The following LRRC4C variants were observed in gnomAD, a reference collection of about 807,000 sequenced individuals.
LRRC4C encodes the protein leucine-rich repeat-containing protein 4C.
A neutral mutation model predicts 33.6 loss-of-function variants in LRRC4C; 5 were observed. The ratio of observed to expected loss-of-function variants is 0.15; its 90% CI spans 0.08 to 0.31. The LOEUF (loss-of-function observed/expected upper bound fraction) is 0.31, where lower values mean the gene tolerates loss of function less well. LRRC4C is among the 10% of genes least tolerant of loss of function. The probability of loss-of-function intolerance (pLI) is 1.00; values close to 1 mark genes in which losing one functional copy is unlikely to be tolerated. For synonymous variants in LRRC4C, 329 were observed against 302.0 expected, an observed-to-expected ratio of 1.09 and a Z score of -0.93; for missense variants, 560 against 796.7, an observed-to-expected ratio of 0.70 and a Z score of 3.58.
chr11:41,006,324 A>ATTAGT (rs750876919), intron 1 of LRRC4C, among the ~76,000 whole-genome samples: 21 of 152,198 alleles, frequency 1.4e-4, no homozygotes, highest in Non-Finnish European at 2.9e-4. Flanking sequence ...ACTAATCTAA[A>ATTAGT]GCTAGTTAGT....
At chr11:41,224,481 G>A (rs1947441929) in intron 1 of LRRC4C, among the ~76,000 whole-genome samples, 1 of 152,094 alleles carries the variant, frequency 6.6e-6, no homozygotes, top group Non-Finnish European at 1.5e-5. Context: ...CATATAGAGA[G>A]TATATTTATC....
chr11:40,484,240 T>C (rs922001559), intron 3 of LRRC4C, among the ~76,000 whole-genome samples: 2 of 152,090 alleles, frequency 1.3e-5, no homozygotes, highest in African/African-American at 4.8e-5. Flanking sequence ...TCTACAAATG[T>C]AAAATGGTAT....
At chr11:40,987,813 G>A (rs756250515) in intron 1 of LRRC4C, among the ~76,000 whole-genome samples, 48 of 151,604 alleles carry the variant, frequency 3.2e-4, no homozygotes, top group Non-Finnish European at 6.6e-4. Flanking sequence ...ACCACCCCAT[G>A]AAATGCAGTG....
chr11:41,106,433 T>C (rs10837571), intron 1 of LRRC4C, among the ~76,000 whole-genome samples: 15,123 of 145,402 alleles, frequency 0.1, 805 homozygotes, highest in South Asian at 0.19. Flanking sequence ...ATCAAACCCT[T>C]CTAAGAATTT....
chr11:40,764,395 A>AC (rs1423016048), intron 2 of LRRC4C, among the ~76,000 whole-genome samples: 1 of 152,124 alleles, frequency 6.6e-6, no homozygotes, highest in African/African-American at 2.4e-5. Context: ...AGAAGAGGAA[A>AC]GAGTGGGAAG....
At chr11:40,117,393 A>G (rs2134607247) in intron 6 of LRRC4C, among the ~76,000 whole-genome samples, 1 of 152,312 alleles carries the variant, frequency 6.6e-6, no homozygotes, top group African/African-American at 2.4e-5. Context: ...GCCTATAAGC[A>G]GACATATCAC....
At chr11:40,936,065 T>TATATATA (rs1555008817) in intron 1 of LRRC4C, among the ~76,000 whole-genome samples, 1 of 75,822 alleles carries the variant, frequency 1.3e-5, no homozygotes, top group Non-Finnish European at 2.8e-5. Context: ...TATATATATA[T>TATATATA]AACATAGTTT....
At chr11:40,702,267 A>T (rs1310249191) in intron 2 of LRRC4C, among the ~76,000 whole-genome samples, 2 of 152,154 alleles carry the variant, frequency 1.3e-5, no homozygotes, top group Non-Finnish European at 2.9e-5. Context: ...ATCCAACACC[A>T]TAGCAACAGG....
intron 3 of LRRC4C, among the ~76,000 whole-genome samples, chr11:40,641,898 C>T (rs748405181): frequency 1.6e-4 from 24 of 152,246 alleles, no homozygotes; most frequent in East Asian, 5.8e-4. Flanking sequence ...TATGTGATTC[C>T]GCAGTTTCAT....
intron 1 of LRRC4C, among the ~76,000 whole-genome samples, chr11:41,436,649 G>A (rs1590274251): frequency 6.6e-6 from 1 of 152,158 alleles, no homozygotes; most frequent in Non-Finnish European, 1.5e-5. Context: ...TCATCACAGA[G>A]AGCCTCTTTC....
chr11:41,378,585 A>T (rs374445739), intron 1 of LRRC4C, among the ~76,000 whole-genome samples: 21 of 152,172 alleles, frequency 1.4e-4, no homozygotes, highest in African/African-American at 5.1e-4. Flanking sequence ...GGGGTAACTA[A>T]GGATTTATCC....
intron 1 of LRRC4C, among the ~76,000 whole-genome samples, chr11:41,026,828 T>C (rs1856404715): frequency 1.3e-5 from 2 of 151,606 alleles, no homozygotes; most frequent in Admixed American, 6.6e-5. Context: ...ATTTAGGATG[T>C]AATTTTTTCA....
chr11:40,385,887 T>TAAATAAATAAATAAATAAATAAATAAATA (rs529477379), intron 3 of LRRC4C, among the ~76,000 whole-genome samples: 2 of 147,946 alleles, frequency 1.4e-5, no homozygotes, highest in Non-Finnish European at 3.0e-5. Context: ...AATAAATAAA[T>TAAATAAATAAATAAATAAATAAATAAATA]AAATAAAATA....
chr11:40,530,709 C>G (rs1384704390), intron 3 of LRRC4C, among the ~76,000 whole-genome samples: 3 of 152,064 alleles, frequency 2.0e-5, no homozygotes, highest in Admixed American at 2.0e-4. Flanking sequence ...AAGACACAGC[C>G]ATGAATGAGA....
At chr11:41,075,060 T>TTTTTTTTTTTA (rs1555064937) in intron 1 of LRRC4C, among the ~76,000 whole-genome samples, 1 of 80,598 alleles carries the variant, frequency 1.2e-5, no homozygotes, top group Non-Finnish European at 2.3e-5. Flanking sequence ...TTTTTTTTTT[T>TTTTTTTTTTTA]TTATTATACT....
intron 3 of LRRC4C, among the ~76,000 whole-genome samples, chr11:40,338,925 A>C (rs186665226): frequency 6.6e-6 from 1 of 152,344 alleles, no homozygotes; most frequent in Admixed American, 6.5e-5. Context: ...ATCACTTAGA[A>C]GCCTCCAGAA....
chr11:40,884,362 T>A lies in LRRC4C; in HGVS notation c.-407+49273A>T, dbSNP rs191240733. On this transcript the variant is annotated intron_variant, in intron 2 of 6. Transcript: ENST00000528697. ...AAGTCTTTGCTATTGTAAATAGTGC[T>A]GCAATAAACATATGTGTGCATGTTT... is the stretch of plus-strand genomic sequence containing the variant. Among the ~76,000 whole-genome samples, 17 of 152,262 alleles carry A rather than the reference T, an allele frequency of 1.1e-4. No individual in the cohort carries two copies. In the Middle Eastern group the frequency reaches 0.01, roughly 91 times the overall value.
intron 1 of LRRC4C, among the ~76,000 whole-genome samples, chr11:41,197,450 T>C (rs1482955581): frequency 6.6e-6 from 1 of 152,002 alleles, no homozygotes. Context: ...TATTTGCTTG[T>C]CCTACACATC....
At chr11:40,600,138 T>A (rs529136107) in intron 3 of LRRC4C, among the ~76,000 whole-genome samples, 1 of 152,274 alleles carries the variant, frequency 6.6e-6, no homozygotes, top group East Asian at 1.9e-4. Context: ...ATATGGAAGT[T>A]CAGGGTGACT....
Sources: allele counts gnomAD v4.1 joint callset (sites outside exome capture counted in the v4.1 genomes callset), GRCh38; gene constraint gnomAD v4.1.1; transcripts MANE v1.5; gene names NCBI Gene and HGNC (gene_info 2026-07-23, HGNC 2026-07-21).